FUNDC2: variants seen among roughly 807,000 people sequenced by gnomAD.
FUNDC2 encodes FUN14 domain containing 2, also known as FUN14 domain-containing protein 2.
FUNDC2 carries 4 observed loss-of-function variants against 15.6 expected under a neutral mutation model. That is an observed-to-expected ratio of 0.26 (90% confidence interval 0.13 to 0.59). The LOEUF (loss-of-function observed/expected upper bound fraction) is 0.59. Ranked by LOEUF, FUNDC2 falls within the 20% of genes least tolerant of loss-of-function variation. The pLI, the probability that FUNDC2 is intolerant of heterozygous loss-of-function variation, is 0.90. For synonymous variants in FUNDC2, 44 were observed against 56.9 expected (o/e 0.77, Z 1.02); for missense variants, 98 against 149.7 (o/e 0.65, Z 1.80).
chrX:155,046,311 A>G (rs2073862259), intron 2 of FUNDC2, among the ~76,000 whole-genome samples, 198 bp from the exon 3 acceptor site: 1 of 111,643 alleles, frequency 9.0e-6, no homozygotes, highest in African/African-American at 3.3e-5. Flanking sequence ...GTTTTAAGGG[A>G]CTTACTCAAG....
chrX:155,050,683 A>C (rs1454732402), intron 3 of FUNDC2: 1 of 112,217 alleles, frequency 8.9e-6, no homozygotes, highest in African/African-American at 3.2e-5. Context: ...CTCATAAATA[A>C]AGGTACTATG....
At chrX:155,037,518 C>T (rs955498702) in intron 2 of FUNDC2, among the ~76,000 whole-genome samples, 12 of 111,509 alleles carry the variant, frequency 1.1e-4, no homozygotes, top group African/African-American at 3.6e-4. Context: ...TAGTCTCGCT[C>T]TCTCACCCAG....
At chrX:155,050,914 A>G in intron 3 of FUNDC2, 1 of 112,196 alleles carries the variant, frequency 8.9e-6, no homozygotes, top group South Asian at 3.7e-4. Flanking sequence ...AGGAAGAGCA[A>G]CAATGCAGGA....
At chrX:155,031,618 G>T (rs1399424327) in intron 1 of FUNDC2, among the ~76,000 whole-genome samples, 1 of 112,359 alleles carries the variant, frequency 8.9e-6, no homozygotes, top group East Asian at 2.8e-4. Flanking sequence ...GTGAGCCACC[G>T]TGCCTGGCCT....
At position 155,059,528 on chromosome X, in the gene FUNDC2, T is replaced by C. The variant is rs1208824722; in HGVS notation, c.*4856T>C. 2 of 110,572 alleles carry C rather than the reference T, an allele frequency of 1.8e-5. No homozygotes were observed. Among genetic ancestry groups the C allele is most frequent in the African/African-American group, 6.6e-5 (2 of 30,321 alleles). The allele number at this position is 110,572 out of a possible 1,213,427, so 9.1% of individuals were successfully genotyped here. A position where few individuals can be genotyped will look rare whatever the true frequency, so the allele number is the denominator to read the frequency against. On this transcript the variant is annotated 3_prime_UTR_variant, in exon 5 of 5. Transcript: ENST00000369498. Reference sequence around the variant, plus strand: ...GCTTAAGACTGAGATTCAGTGTTACTCTTGGTCCCTAACAATAAGAAGCAC... The same window carrying C: ...GCTTAAGACTGAGATTCAGTGTTACCCTTGGTCCCTAACAATAAGAAGCAC...
rs1309044388 is a variant in FUNDC2, at chrX:155,057,028, GGTTGGCCTCATCCTGCTA to G, written c.*2359_*2376del. ...GGTCATGGTTGAGGTCAGTATTGCA[GGTTGGCCTCATCCTGCTA>G]GTATGAGAACGGCTGTGAGTTCTGC... On this transcript the variant is annotated 3_prime_UTR_variant, in exon 5 of 5. Coordinates refer to ENST00000369498, the MANE Select transcript of FUNDC2 (RefSeq NM_023934.4). The G allele has an allele frequency of 2.0e-5, 2 of 100,824 alleles. No individual in the cohort carries two copies. Among genetic ancestry groups the G allele is most frequent in the African/African-American group, 3.7e-5 (1 of 27,058 alleles). The allele number at this position is 100,824 out of a possible 1,213,427, so 8.3% of individuals were successfully genotyped here.
chrX:155,051,834 A>G, intron 4 of FUNDC2, 33 bp downstream of exon 4: 1 of 1,198,865 alleles, frequency 8.3e-7, no homozygotes, highest in Admixed American at 2.2e-5. Context: ...GTAGTGTGTG[A>G]ACAGTGCAGA....
At chrX:155,041,283 C>G (rs1450559133) in intron 2 of FUNDC2, among the ~76,000 whole-genome samples, 2 of 111,645 alleles carry the variant, frequency 1.8e-5, no homozygotes, top group African/African-American at 6.5e-5. Context: ...TTTCCCCTTC[C>G]CCCTTTGTTT....
rs967921960 is a variant in FUNDC2, at chrX:155,057,704, G to A, written c.*3032G>A. On this transcript the variant is annotated 3_prime_UTR_variant, in exon 5 of 5. Transcript: ENST00000369498. ...CCTGGCTACTATGGGTCGGCCCTGCGTCCTCACCACTTTGAGCCACCCTTT... is the reference window on the plus strand; with the variant it reads ...CCTGGCTACTATGGGTCGGCCCTGCATCCTCACCACTTTGAGCCACCCTTT... 1.8e-5 allele frequency: 2 copies of A among 111,924 alleles called. No individual in the cohort carries two copies. Among genetic ancestry groups the A allele is most frequent in the Non-Finnish European group, 3.8e-5 (2 of 53,227 alleles). The allele number at this position is 111,924 out of a possible 1,213,427, so 9.2% of individuals were successfully genotyped here. A position where few individuals can be genotyped will look rare whatever the true frequency, so the allele number is the denominator to read the frequency against.
At chrX:155,033,864 C>G (rs1445587926) in intron 2 of FUNDC2, among the ~76,000 whole-genome samples, 1 of 111,861 alleles carries the variant, frequency 8.9e-6, no homozygotes, top group Non-Finnish European at 1.9e-5. Flanking sequence ...GTTAGTTTGC[C>G]CAAGGCCACA....
intron 2 of FUNDC2, among the ~76,000 whole-genome samples, chrX:155,041,490 C>T (rs945896903): frequency 9.0e-6 from 1 of 110,792 alleles, no homozygotes; most frequent in Non-Finnish European, 1.9e-5. Context: ...TTTTCCCCTG[C>T]CTGAAAGACT....
intron 1 of FUNDC2, among the ~76,000 whole-genome samples, chrX:155,029,120 T>C (rs1302936974): frequency 8.9e-6 from 1 of 111,829 alleles, no homozygotes; most frequent in East Asian, 2.8e-4. Flanking sequence ...CTGCATTTGC[T>C]CTCTCCCTTT....
chrX:155,027,325 C>T (rs1186068839), intron 1 of FUNDC2: 3 of 233,055 alleles, frequency 1.3e-5, no homozygotes, highest in African/African-American at 2.9e-5. Flanking sequence ...TCCGGCGCCG[C>T]CCCCGGCGCA....
At chrX:155,044,279 T>C (rs1346541352) in intron 2 of FUNDC2, among the ~76,000 whole-genome samples, 1 of 111,661 alleles carries the variant, frequency 9.0e-6, no homozygotes, top group Non-Finnish European at 1.9e-5. Flanking sequence ...GATGAGGAGC[T>C]GTAACAGTAA....
chrX:155,053,375 A>G (rs2073884488), intron 4 of FUNDC2, among the ~76,000 whole-genome samples: 1 of 111,762 alleles, frequency 8.9e-6, no homozygotes, highest in Non-Finnish European at 1.9e-5. Flanking sequence ...AACAGGATGA[A>G]GATTTAGTTC....
intron 2 of FUNDC2, among the ~76,000 whole-genome samples, chrX:155,037,606 C>T (rs781868530): frequency 8.1e-5 from 9 of 110,890 alleles, no homozygotes; most frequent in African/African-American, 3.0e-4. Flanking sequence ...GCCTCAGCCT[C>T]CCAAGTAGCT....
chrX:155,032,276 CCTT>C (rs1158011617), intron 1 of FUNDC2, among the ~76,000 whole-genome samples: 4 of 99,185 alleles, frequency 4.0e-5, no homozygotes, highest in Non-Finnish European at 6.1e-5. Context: ...ACGCCTGGTG[CCTT>C]CTTTTTTTTT....
Position 155,057,514 on chromosome X carries a change from G to A in FUNDC2, c.*2842G>A, listed in dbSNP as rs2073911178. 1 of 111,761 alleles carries A rather than the reference G, an allele frequency of 8.9e-6. No homozygotes were observed. The highest frequency in any genetic ancestry group is 3.3e-5 in the African/African-American group (1 of 30,602). 9.2% of individuals were successfully genotyped at this position (111,761 alleles called of 1,213,427 possible). ...TCCGCAGAAACTTGACTTGGAATGTGTTCGGGGTTTCATCGCCCCCTTGTG... is the reference window on the plus strand; with the variant it reads ...TCCGCAGAAACTTGACTTGGAATGTATTCGGGGTTTCATCGCCCCCTTGTG... On this transcript the variant is annotated 3_prime_UTR_variant, in exon 5 of 5. Transcript: ENST00000369498.
intron 2 of FUNDC2, among the ~76,000 whole-genome samples, chrX:155,040,034 G>T (rs1415049909): frequency 9.0e-6 from 1 of 111,713 alleles, no homozygotes; most frequent in African/African-American, 3.2e-5. Flanking sequence ...TCAGCCTTCT[G>T]TAGTTTTCAG....
Sources: gnomAD v4.1 joint callset for allele counts (sites outside exome capture counted in the v4.1 genomes callset) on GRCh38, gnomAD v4.1.1 for gene constraint, MANE v1.5 for transcripts, NCBI Gene and HGNC (gene_info 2026-07-23, HGNC 2026-07-21) for gene names.